Variants in BMPR2 observed in about 807,000 individuals in gnomAD.
The protein encoded by BMPR2 is bone morphogenetic protein receptor type-2.
Under a neutral mutation model 100.8 loss-of-function variants are expected in BMPR2, and 29 were observed. That is an observed-to-expected ratio of 0.29 (90% CI 0.21 to 0.39). The LOEUF (loss-of-function observed/expected upper bound fraction) is 0.39, where lower values mean the gene tolerates loss of function less well. Ranked by LOEUF, BMPR2 falls within the 10% of genes least tolerant of loss-of-function variation. The pLI is 1.00. For synonymous variants in BMPR2, 382 were observed against 442.3 expected (o/e 0.86, Z 1.71); for missense variants, 1,011 against 1,274.5 (o/e 0.79, Z 3.15).
At chr2:202,460,872 C>G (rs1188887524) in intron 1 of BMPR2, among the ~76,000 whole-genome samples, 1 of 147,642 alleles carries the variant, frequency 6.8e-6, no homozygotes. Flanking sequence ...CCAGGATAGG[C>G]TACAGTATTG....
chr2:202,547,590 C>T (rs935052571), intron 10 of BMPR2, among the ~76,000 whole-genome samples: 1 of 151,618 alleles, frequency 6.6e-6, no homozygotes, highest in Admixed American at 6.6e-5. Context: ...CGAGACCAGC[C>T]TGGCCAACAT....
rs1026588048 is a variant in BMPR2, at chr2:202,565,987, G to C, written c.*6041G>C. ...TTCTGTTATTACTGTGATGTTTGTAGTGTTACTATTAAACATTGTGAACAT... is the reference window on the plus strand; with the variant it reads ...TTCTGTTATTACTGTGATGTTTGTACTGTTACTATTAAACATTGTGAACAT... On this transcript the variant is annotated 3_prime_UTR_variant, in exon 13 of 13. Coordinates refer to ENST00000374580, the MANE Select transcript of BMPR2 (RefSeq NM_001204.7). 1.3e-5 allele frequency: 2 copies of C among 152,096 alleles called. No homozygotes were observed. Among genetic ancestry groups the C allele is most frequent in the Admixed American group, 1.3e-4 (2 of 15,262 alleles). 9.4% of individuals were successfully genotyped at this position (152,096 alleles called of 1,614,324 possible). A position where few individuals can be genotyped will look rare whatever the true frequency, so the allele number is the denominator to read the frequency against.
intron 1 of BMPR2, among the ~76,000 whole-genome samples, chr2:202,397,196 A>G (rs1163627106): frequency 1.3e-5 from 2 of 152,190 alleles, no homozygotes; most frequent in African/African-American, 4.8e-5. Flanking sequence ...CCTCAAAAAT[A>G]TCATATTTTT....
In BMPR2 at chr2:202,563,819, C is replaced by G. The variant is rs945865613; in HGVS notation, c.*3873C>G. The stretch of plus-strand genomic sequence containing the variant: ...TTTGAATCCATCTTCAAAACTTCTG[C>G]TTTTAATAACTTTAGAAAATTTACT... On this transcript the variant is annotated 3_prime_UTR_variant, in exon 13 of 13. Transcript: ENST00000374580. The G allele has an allele frequency of 6.6e-6, 1 of 152,152 alleles. No homozygotes were observed. Among genetic ancestry groups the G allele is most frequent in the Non-Finnish European group, 1.5e-5 (1 of 68,026 alleles). 9.4% of individuals were successfully genotyped at this position (152,152 alleles called of 1,614,324 possible).
chr2:202,451,612 T>C (rs1326449877), intron 1 of BMPR2, among the ~76,000 whole-genome samples: 1 of 152,068 alleles, frequency 6.6e-6, no homozygotes, highest in African/African-American at 2.4e-5. Flanking sequence ...GGCAGGAGAA[T>C]TGCATGAACC....
At chr2:202,479,067 G>T (rs1692608499) in intron 3 of BMPR2, among the ~76,000 whole-genome samples, 1 of 152,182 alleles carries the variant, frequency 6.6e-6, no homozygotes. Context: ...ATGTGAGCTA[G>T]ACTTAATAAC....
rs189053222 is a variant in BMPR2 at position 202,403,324 on chromosome 2, C to T, written c.76+25774C>T. ...AAGCAATTCTCCTGCCTCAGCCTCC[C>T]GAGTAGCTGGGACTACAGTTGCGCA... On this transcript the variant is annotated intron_variant, in intron 1 of 12. Coordinates refer to ENST00000374580, the MANE Select transcript of BMPR2 (RefSeq NM_001204.7). Among the ~76,000 whole-genome samples the T allele has an allele frequency of 2.2e-3, 335 of 151,720 alleles. 1 individual carries two copies. Among genetic ancestry groups the T allele is most frequent in the African/African-American group, 7.6e-3 (313 of 41,362 alleles).
chr2:202,409,677 A>G (rs1436913073), intron 1 of BMPR2, among the ~76,000 whole-genome samples: 1 of 152,234 alleles, frequency 6.6e-6, no homozygotes, highest in Non-Finnish European at 1.5e-5. Flanking sequence ...ACACAAACCT[A>G]ATTGTATTAT....
intron 11 of BMPR2, 77 bp downstream of exon 11, chr2:202,552,965 T>C: frequency 6.4e-7 from 1 of 1,551,544 alleles, no homozygotes; most frequent in Middle Eastern, 1.7e-4. Context: ...AAATAAATAC[T>C]TTTAAACCAG....
rs751529262 is a variant in BMPR2, at chr2:202,555,721, A to G, written c.2056A>G (p.Met686Val). The G allele has an allele frequency of 4.4e-6, 7 of 1,608,834 alleles. No homozygotes were observed. Among genetic ancestry groups the G allele is most frequent in the Non-Finnish European group, 6.0e-6 (7 of 1,175,186 alleles). The change falls in exon 12 of 13, where the codon ATG (methionine) becomes GTG (valine). Residue 686 changes from methionine (M) to valine (V), a missense_variant. Physicochemically the swap from Met to Val is conservative, Grantham distance 21. Transcript: ENST00000374580. ...NLKESSDENLMEHSLKQFSGP... is the reference protein window; with the variant it reads ...NLKESSDENLVEHSLKQFSGP... ...CAAGGAAAGCTCTGATGAGAATCTC[A>G]TGGAGCACTCTCTTAAACAGTTCAG...
At chr2:202,442,804 C>T (rs1691774527) in intron 1 of BMPR2, among the ~76,000 whole-genome samples, 1 of 150,708 alleles carries the variant, frequency 6.6e-6, no homozygotes, top group Non-Finnish European at 1.5e-5. Context: ...ATAATATTCT[C>T]TTGTATGTAT....
chr2:202,421,620 C>T (rs1277456387), intron 1 of BMPR2, among the ~76,000 whole-genome samples: 1 of 140,464 alleles, frequency 7.1e-6, no homozygotes, highest in Non-Finnish European at 1.5e-5. Context: ...CCAGCCTGGG[C>T]GACAGAGTGA....
chr2:202,457,553 TATATATATAGAG>T (rs61471231), intron 1 of BMPR2, among the ~76,000 whole-genome samples: 3,513 of 97,652 alleles, frequency 0.036, 142 homozygotes, highest in African/African-American at 0.12. Flanking sequence ...TATATATATA[TATATATATAGAG>T]AGAGAGAGAG....
chr2:202,400,128 A>G (rs1281171754), intron 1 of BMPR2, among the ~76,000 whole-genome samples: 1 of 151,824 alleles, frequency 6.6e-6, no homozygotes, highest in Non-Finnish European at 1.5e-5. Context: ...AAAAAAGAAT[A>G]CATAGTTGAA....
chr2:202,497,195 C>A (rs893442282), intron 3 of BMPR2, among the ~76,000 whole-genome samples: 5 of 152,332 alleles, frequency 3.3e-5, no homozygotes, highest in African/African-American at 9.6e-5. Flanking sequence ...CCTCCCACCC[C>A]CTCCATGGGC....
At position 202,519,071 on chromosome 2, in the gene BMPR2, A is replaced by G; in HGVS notation, c.852+19A>G. Reference sequence around the variant, plus strand: ...TCCCAATGTAAGTTCTTCATAGAAAATAAACTGAGGCCAGGTGTGGTGGCT... The same window carrying G: ...TCCCAATGTAAGTTCTTCATAGAAAGTAAACTGAGGCCAGGTGTGGTGGCT... On this transcript the variant is annotated intron_variant, in intron 6 of 12. Coordinates refer to ENST00000374580, the MANE Select transcript of BMPR2 (RefSeq NM_001204.7). 1 of 1,610,514 alleles carries G rather than the reference A, an allele frequency of 6.2e-7. No homozygotes were observed. The highest frequency in any genetic ancestry group is 8.5e-7 in the Non-Finnish European group (1 of 1,176,934).
intron 3 of BMPR2, among the ~76,000 whole-genome samples, chr2:202,508,523 G>A (rs1687568370): frequency 6.6e-6 from 1 of 152,204 alleles, no homozygotes; most frequent in Non-Finnish European, 1.5e-5. Flanking sequence ...GATGAAATAT[G>A]GGAGTTGTCA....
chr2:202,464,568 G>C (rs1692281891), intron 1 of BMPR2, among the ~76,000 whole-genome samples: 1 of 152,136 alleles, frequency 6.6e-6, no homozygotes, highest in African/African-American at 2.4e-5. Context: ...AGAATAATTT[G>C]AGTACGAGGG....
chr2:202,394,265 T>C (rs989558354), intron 1 of BMPR2, among the ~76,000 whole-genome samples: 1 of 151,814 alleles, frequency 6.6e-6, no homozygotes, highest in Non-Finnish European at 1.5e-5. Flanking sequence ...GCAGGAGAAT[T>C]GCTTGAACCC....
Sources: gnomAD v4.1 joint callset for allele counts (sites outside exome capture counted in the v4.1 genomes callset) on GRCh38, gnomAD v4.1.1 for gene constraint, MANE v1.5 for transcripts, NCBI Gene and HGNC (gene_info 2026-07-23, HGNC 2026-07-21) for gene names.